The following CSMD1 variants were observed in gnomAD, a reference collection of about 807,000 sequenced individuals.
The protein encoded by CSMD1 is CUB and sushi domain-containing protein 1.
Under a neutral mutation model 417.5 loss-of-function variants are expected in CSMD1, and 213 were observed. That is an observed-to-expected ratio of 0.51 (90% confidence interval 0.46 to 0.57). The LOEUF (loss-of-function observed/expected upper bound fraction) is 0.57, where lower values mean the gene tolerates loss of function less well. Ranked by LOEUF, CSMD1 falls within the 20% of genes least tolerant of loss-of-function variation. The pLI is 0.00. For missense variants in CSMD1, 6,923 were observed against 4,529.7 expected, an observed-to-expected ratio of 1.53 and a Z score of -15.17; for synonymous variants, 2,862 against 1,736.8, an observed-to-expected ratio of 1.65 and a Z score of -16.11.
intron 3 of CSMD1, among the ~76,000 whole-genome samples, chr8:4,256,630 A>G (rs975264761): frequency 6.6e-6 from 1 of 152,196 alleles, no homozygotes; most frequent in Non-Finnish European, 1.5e-5. Context: ...AGTGAGACCC[A>G]TGAAAGGGGG....
At chr8:3,757,294 C>A (rs1797713190) in intron 5 of CSMD1, among the ~76,000 whole-genome samples, 3 of 152,156 alleles carry the variant, frequency 2.0e-5, no homozygotes, top group Non-Finnish European at 2.9e-5. Context: ...GTATTTCAGG[C>A]TTTATGGGTC....
intron 1 of CSMD1, among the ~76,000 whole-genome samples, chr8:4,794,497 T>C (rs1197179037): frequency 6.6e-6 from 1 of 152,162 alleles, no homozygotes; most frequent in Non-Finnish European, 1.5e-5. Context: ...CAAGTCACTG[T>C]GTTCTGTCCC....
At chr8:4,776,102 G>A (rs971863650) in intron 1 of CSMD1, among the ~76,000 whole-genome samples, 1 of 152,052 alleles carries the variant, frequency 6.6e-6, no homozygotes, top group Non-Finnish European at 1.5e-5. Context: ...GCAGGCACCG[G>A]CCCAGATTGC....
intron 5 of CSMD1, among the ~76,000 whole-genome samples, chr8:3,801,415 C>T (rs1353947099): frequency 6.6e-6 from 1 of 152,068 alleles, no homozygotes; most frequent in African/African-American, 2.4e-5. Flanking sequence ...GTGAGAAAAG[C>T]CACAATGAGA....
At chr8:4,013,575 A>T (rs766555515) in intron 4 of CSMD1, among the ~76,000 whole-genome samples, 4 of 152,100 alleles carry the variant, frequency 2.6e-5, no homozygotes, top group Non-Finnish European at 5.9e-5. Context: ...ACTTACAAAC[A>T]CTTATTTCAA....
chr8:4,957,941 A>T (rs573899424), intron 1 of CSMD1, among the ~76,000 whole-genome samples: 125 of 152,052 alleles, frequency 8.2e-4, no homozygotes, highest in African/African-American at 3.0e-3. Context: ...TACTTGAAGT[A>T]CTCCTTCTGC....
intron 5 of CSMD1, among the ~76,000 whole-genome samples, chr8:3,783,464 T>G (rs1486093821): frequency 6.6e-6 from 1 of 152,142 alleles, no homozygotes; most frequent in East Asian, 1.9e-4. Flanking sequence ...ACAGAAGCAT[T>G]GGCGGGCTGT....
At chr8:3,364,532 T>G (rs548013111) in intron 20 of CSMD1, among the ~76,000 whole-genome samples, 1 of 152,344 alleles carries the variant, frequency 6.6e-6, no homozygotes, top group East Asian at 1.9e-4. Flanking sequence ...GTAGTTACAT[T>G]CTGACTTTTA....
intron 3 of CSMD1, among the ~76,000 whole-genome samples, chr8:4,176,047 G>C (rs1371008192): frequency 1.3e-5 from 2 of 152,062 alleles, no homozygotes; most frequent in Admixed American, 6.5e-5. Flanking sequence ...CAAGAAGCAG[G>C]AGCAGAAAAG....
chr8:3,974,838 A>C (rs1306822813), intron 5 of CSMD1, among the ~76,000 whole-genome samples: 2 of 152,150 alleles, frequency 1.3e-5, no homozygotes, highest in Non-Finnish European at 2.9e-5. Flanking sequence ...TTAATGTTTT[A>C]CCAGAGTAAG....
chr8:4,198,496 A>G (rs772164694), intron 3 of CSMD1, among the ~76,000 whole-genome samples: 20 of 152,130 alleles, frequency 1.3e-4, no homozygotes, highest in South Asian at 4.1e-4. Context: ...GAGGATGAGA[A>G]AGAAATCACT....
intron 1 of CSMD1, among the ~76,000 whole-genome samples, chr8:4,877,175 T>G (rs527404589): frequency 6.6e-6 from 1 of 152,034 alleles, no homozygotes; most frequent in Non-Finnish European, 1.5e-5. Flanking sequence ...GATGTGTCTT[T>G]TGACAATGGC....
chr8:3,097,104 C>A, intron 46 of CSMD1, 67 bp from the exon 47 acceptor site: 3 of 1,266,408 alleles, frequency 2.4e-6, no homozygotes, highest in Admixed American at 2.8e-5. Flanking sequence ...AGGATAGTTT[C>A]TATCCCTGTA....
intron 4 of CSMD1, among the ~76,000 whole-genome samples, chr8:4,001,468 T>TA (rs1815668571): frequency 6.6e-6 from 1 of 152,306 alleles, no homozygotes; most frequent in Admixed American, 6.5e-5. Context: ...AAGAGGGTTC[T>TA]TTTTTATTTT....
At chr8:4,105,997 G>C (rs1455425514) in intron 3 of CSMD1, among the ~76,000 whole-genome samples, 1 of 152,192 alleles carries the variant, frequency 6.6e-6, no homozygotes, top group Non-Finnish European at 1.5e-5. Context: ...TAGAGCAGGA[G>C]ATTGCATCTT....
intron 5 of CSMD1, among the ~76,000 whole-genome samples, chr8:3,844,256 C>A (rs1803336373): frequency 6.6e-6 from 1 of 152,118 alleles, no homozygotes; most frequent in Non-Finnish European, 1.5e-5. Context: ...GAGCAAGTTC[C>A]TGACGGATGG....
At chr8:4,206,710 T>C (rs1354818426) in intron 3 of CSMD1, among the ~76,000 whole-genome samples, 1 of 152,200 alleles carries the variant, frequency 6.6e-6, no homozygotes, top group Admixed American at 6.5e-5. Context: ...TGTAATGGGA[T>C]GGCTGGGTCA....
At position 3,029,427 on chromosome 8, in the gene CSMD1, G is replaced by A; in HGVS notation, c.7747C>T (p.Gln2583Ter). 1 of 1,611,034 alleles carries A rather than the reference G, an allele frequency of 6.2e-7. No individual in the cohort carries two copies. Among genetic ancestry groups the A allele is most frequent in the Non-Finnish European group, 8.5e-7 (1 of 1,179,032 alleles). The change falls in exon 51 of 70, where the codon CAA becomes TAA. Residue 2583 changes from glutamine (Q) to a stop codon, truncating the protein, a stop_gained. Coordinates refer to ENST00000635120, the MANE Select transcript of CSMD1 (RefSeq NM_033225.6). LOFTEE classifies it high-confidence loss of function. ...VSGSLNEYGA[Q>*]VLLSCSPGYY... is the part of the protein sequence containing the mutation. ...CCAGGACTGCAGCTCAGCAATACTT[G>A]AGCACCGTACTCATTCAAGGATCCT... is the stretch of plus-strand genomic sequence containing the variant.
At chr8:3,325,281 A>G (rs559902892) in intron 23 of CSMD1, among the ~76,000 whole-genome samples, 1 of 152,286 alleles carries the variant, frequency 6.6e-6, no homozygotes, top group Non-Finnish European at 1.5e-5. Context: ...AATCACAATC[A>G]CTTTTTATTA....
Sources: allele counts gnomAD v4.1 joint callset (sites outside exome capture counted in the v4.1 genomes callset), GRCh38; gene constraint gnomAD v4.1.1; transcripts MANE v1.5; gene names NCBI Gene and HGNC (gene_info 2026-07-23, HGNC 2026-07-21).